The following TET2 variants were observed in gnomAD, a reference collection of about 807,000 sequenced individuals.
The protein encoded by TET2 is methylcytosine dioxygenase TET2.
A neutral mutation model predicts 142.9 loss-of-function variants in TET2; 299 were observed. That is an observed-to-expected ratio of 2.09 (90% CI 1.90 to 2.30). The LOEUF (loss-of-function observed/expected upper bound fraction) is 2.30, where lower values mean the gene tolerates loss of function less well. Among genes scored for constraint, TET2 ranks in the 30% most tolerant of loss-of-function variants. The pLI, the probability that TET2 is intolerant of heterozygous loss-of-function variation, is 0.00. For missense variants in TET2, 2,418 were observed against 2,378.0 expected (o/e 1.02, Z -0.35); for synonymous variants, 819 against 849.0 (o/e 0.96, Z 0.61).
chr4:105,195,591 A>G (rs1027998786), intron 2 of TET2, among the ~76,000 whole-genome samples: 3 of 152,182 alleles, frequency 2.0e-5, no homozygotes, highest in African/African-American at 7.2e-5. Context: ...ACTTCGAATC[A>G]TCTCTCGATT....
chr4:105,269,076 T>C (rs1049155292), intron 8 of TET2, among the ~76,000 whole-genome samples: 4 of 152,300 alleles, frequency 2.6e-5, no homozygotes, highest in East Asian at 1.9e-4. Flanking sequence ...AGACCCAACA[T>C]ATATAATATG....
At chr4:105,201,731 C>CTTT (rs1396705203) in intron 2 of TET2, among the ~76,000 whole-genome samples, 2 of 104,694 alleles carry the variant, frequency 1.9e-5, no homozygotes, top group African/African-American at 3.9e-5. Flanking sequence ...TCATCCAGGA[C>CTTT]CTTTTTTTTT....
At position 105,234,867 on chromosome 4, in the gene TET2, G is replaced by T; in HGVS notation, c.925G>T (p.Ala309Ser). Residue 309 changes from alanine to serine, a missense_variant, in exon 3 of 11, where the codon GCA (alanine) becomes TCA (serine). By Grantham distance (99) the Ala-to-Ser change is moderately conservative. Transcript: ENST00000380013. ...DDADNASKLA[A>S]MLNTCSFQKP... ...TGCTGATAATGCCAGTAAACTAGCTGCAATGCTAAATACCTGTTCCTTTCA... is the reference window on the plus strand; with the variant it reads ...TGCTGATAATGCCAGTAAACTAGCTTCAATGCTAAATACCTGTTCCTTTCA... 1 of 1,614,042 alleles carries T rather than the reference G, an allele frequency of 6.2e-7. No individual in the cohort carries two copies. The highest frequency in any genetic ancestry group is 1.1e-5 in the South Asian group (1 of 91,086).
At chr4:105,264,035 A>T (rs928271396) in intron 8 of TET2, among the ~76,000 whole-genome samples, 5 of 152,052 alleles carry the variant, frequency 3.3e-5, no homozygotes, top group Non-Finnish European at 7.4e-5. Context: ...GCAGACATGG[A>T]CAAGGGACTA....
intron 1 of TET2, among the ~76,000 whole-genome samples, chr4:105,182,693 A>C (rs909790666): frequency 3.9e-5 from 6 of 152,226 alleles, no homozygotes; most frequent in Non-Finnish European, 8.8e-5. Flanking sequence ...TTTAGAATGA[A>C]CATTAGAGAA....
chr4:105,190,593 C>A, intron 2 of TET2, 88 bp downstream of exon 2: 1 of 665,772 alleles, frequency 1.5e-6, no homozygotes, highest in South Asian at 1.6e-5. Context: ...ACTTCAACTT[C>A]AAGTTACCCT....
chr4:105,170,463 T>C (rs987604391), intron 1 of TET2, among the ~76,000 whole-genome samples: 1 of 152,158 alleles, frequency 6.6e-6, no homozygotes, highest in Non-Finnish European at 1.5e-5. Context: ...AGCTGCTGCA[T>C]TGTAGCCTGG....
At chr4:105,182,277 A>G (rs1018794869) in intron 1 of TET2, among the ~76,000 whole-genome samples, 4 of 152,178 alleles carry the variant, frequency 2.6e-5, no homozygotes, top group Admixed American at 1.3e-4. Flanking sequence ...CAAGGTAGCT[A>G]GTAATTCTGC....
intron 1 of TET2, among the ~76,000 whole-genome samples, chr4:105,184,321 G>A (rs1177207428): frequency 6.6e-6 from 1 of 152,090 alleles, no homozygotes; most frequent in Non-Finnish European, 1.5e-5. Context: ...TACCTCTCAT[G>A]TTCCAGTGTT....
In TET2 at chr4:105,232,001, T is replaced by C. The variant is rs116619549; in HGVS notation, c.-46-1896T>C. ...CCCAGGTAATAAGCGTAGTACTTAA[T>C]AGGTAGTTTTTTGATCCTCTCCCTT... On this transcript the variant is annotated intron_variant, in intron 2 of 10. Coordinates refer to ENST00000380013, the MANE Select transcript of TET2 (RefSeq NM_001127208.3). Among the ~76,000 whole-genome samples the C allele has an allele frequency of 1.2e-3, 190 of 152,316 alleles. 7 individuals are homozygous for C. The East Asian group carries it at 0.034, about 27-fold the overall frequency.
In TET2 at chr4:105,236,426, C is replaced by T. The variant is rs914950397; in HGVS notation, c.2484C>T (p.Cys828=). Reference sequence around the variant, plus strand: ...GTCAGACCATGAAATCAAGTGCATGCAAAATACAGGTTTCTTGTTCAAACA... The same window carrying T: ...GTCAGACCATGAAATCAAGTGCATGTAAAATACAGGTTTCTTGTTCAAACA... ...PYSQTMKSSA[C]KIQVSCSNNT... The change falls in exon 3 of 11, where the codon TGC becomes TGT. Residue 828 remains cysteine, a synonymous_variant. Coordinates refer to ENST00000380013, the MANE Select transcript of TET2 (RefSeq NM_001127208.3). 3.7e-6 allele frequency: 6 copies of T among 1,613,954 alleles called. No individual in the cohort carries two copies. The highest frequency in any genetic ancestry group is 5.1e-6 in the Non-Finnish European group (6 of 1,179,962).
At chr4:105,260,164 A>T (rs1244667361) in intron 7 of TET2, among the ~76,000 whole-genome samples, 2 of 152,038 alleles carry the variant, frequency 1.3e-5, no homozygotes, top group Non-Finnish European at 2.9e-5. Context: ...AGTCACTGTA[A>T]TGAATGCATT....
intron 1 of TET2, among the ~76,000 whole-genome samples, chr4:105,186,091 G>A (rs557238377): frequency 6.6e-6 from 1 of 152,120 alleles, no homozygotes; most frequent in Admixed American, 6.5e-5. Context: ...TGTGCTGGGT[G>A]TGGTGGTACA....
At chr4:105,183,765 C>T (rs1028655751) in intron 1 of TET2, among the ~76,000 whole-genome samples, 4 of 152,128 alleles carry the variant, frequency 2.6e-5, no homozygotes, top group Admixed American at 6.6e-5. Flanking sequence ...TGTAGTCAGC[C>T]GCGCAAATAC....
intron 6 of TET2, among the ~76,000 whole-genome samples, chr4:105,257,169 C>T (rs1457605335): frequency 1.3e-5 from 2 of 152,070 alleles, no homozygotes; most frequent in East Asian, 1.9e-4. Context: ...AGCAGTGGCT[C>T]GTGCCTGTAA....
At chr4:105,274,952 G>T in intron 10 of TET2, 96 bp from the exon 11 acceptor site, 1 of 1,424,832 alleles carries the variant, frequency 7.0e-7, no homozygotes, top group Non-Finnish European at 9.3e-7. Flanking sequence ...CACTAGTGGA[G>T]TTTCTTACCT....
rs571282595 is a variant in TET2 at position 105,267,353 on chromosome 4, AATG to A, written c.4045-2254_4045-2252del. Among the ~76,000 whole-genome samples the A allele has an allele frequency of 7.9e-5, 12 of 152,178 alleles. No homozygotes were observed. The East Asian group carries it at 2.1e-3, about 27-fold the overall frequency. ...AACATGGTTAAAAGACTTTTAAAAA[AATG>A]ATAACTTGCTATCTTAAAAATATAT... On this transcript the variant is annotated intron_variant, in intron 8 of 10. Transcript: ENST00000380013.
intron 2 of TET2, among the ~76,000 whole-genome samples, chr4:105,213,423 A>G (rs971252974): frequency 6.6e-6 from 1 of 152,238 alleles, no homozygotes. Context: ...TTATGCTTCA[A>G]AGCTTGTAAT....
intron 2 of TET2, among the ~76,000 whole-genome samples, chr4:105,201,398 T>C (rs528679072): frequency 6.6e-6 from 1 of 152,340 alleles, no homozygotes; most frequent in Non-Finnish European, 1.5e-5. Context: ...ATAACTTTAT[T>C]TTCATGTATG....
Sources: allele counts gnomAD v4.1 joint callset (sites outside exome capture counted in the v4.1 genomes callset), GRCh38; gene constraint gnomAD v4.1.1; transcripts MANE v1.5; gene names NCBI Gene and HGNC (gene_info 2026-07-23, HGNC 2026-07-21).